The following PPM1E variants were observed in gnomAD, a reference collection of about 807,000 sequenced individuals.
PPM1E encodes the protein protein phosphatase, Mg2+/Mn2+ dependent 1E.
In PPM1E, 20 loss-of-function variants were observed where a neutral mutation model predicts 65.9. The observed-to-expected ratio is 0.30, with a 90% CI of 0.21 to 0.44. The LOEUF is 0.44. Among genes scored for constraint, PPM1E ranks in the 20% least tolerant of loss-of-function variants. The pLI, the probability that PPM1E is intolerant of heterozygous loss-of-function variation, is 1.00. For missense variants in PPM1E, 713 were observed against 953.1 expected, an observed-to-expected ratio of 0.75 and a Z score of 3.32; for synonymous variants, 352 against 374.9, an observed-to-expected ratio of 0.94 and a Z score of 0.70.
At chr17:58,798,264 T>C (rs1319714059) in intron 1 of PPM1E, among the ~76,000 whole-genome samples, 3 of 151,088 alleles carry the variant, frequency 2.0e-5, no homozygotes. Flanking sequence ...AGTCTCGTTC[T>C]GTTGCCCAGG....
intron 1 of PPM1E, among the ~76,000 whole-genome samples, chr17:58,918,767 C>T (rs1291893394): frequency 8.0e-6 from 1 of 125,386 alleles, no homozygotes; most frequent in Non-Finnish European, 1.6e-5. Flanking sequence ...GATCACACCA[C>T]TGCACTCCAG....
At chr17:58,808,567 G>A (rs1473219100) in intron 1 of PPM1E, among the ~76,000 whole-genome samples, 2 of 151,936 alleles carry the variant, frequency 1.3e-5, no homozygotes, top group Admixed American at 6.6e-5. Context: ...AGGGAGGGAG[G>A]AAAGGGGGAG....
chr17:58,796,375 A>G (rs900826614), intron 1 of PPM1E, among the ~76,000 whole-genome samples: 1 of 151,924 alleles, frequency 6.6e-6, no homozygotes, highest in African/African-American at 2.4e-5. Context: ...TTATTTATTT[A>G]TTTAGAGACA....
intron 1 of PPM1E, among the ~76,000 whole-genome samples, chr17:58,810,024 T>G (rs1048537843): frequency 3.5e-5 from 5 of 141,368 alleles, no homozygotes; most frequent in Non-Finnish European, 4.9e-5. Context: ...TAGTAAGATA[T>G]TTTACAGTCT....
chr17:58,901,703 G>A (rs1051616694), intron 1 of PPM1E, among the ~76,000 whole-genome samples: 7 of 151,348 alleles, frequency 4.6e-5, no homozygotes, highest in African/African-American at 7.3e-5. Context: ...AAGGCCAGAC[G>A]CGGTGGCTCA....
rs768120888 is a variant in PPM1E, at chr17:58,865,132, G to C, written c.465-90517G>C. Reference sequence around the variant, plus strand: ...GGGCCAGGTGCCGTGGCTCACGCCTGTAATCCCAGCACTTTGGGAGGCCGA... The same window carrying C: ...GGGCCAGGTGCCGTGGCTCACGCCTCTAATCCCAGCACTTTGGGAGGCCGA... On this transcript the variant is annotated intron_variant, in intron 1 of 6. Coordinates refer to ENST00000308249, the MANE Select transcript of PPM1E (RefSeq NM_014906.5). 1.1e-4 allele frequency among the ~76,000 whole-genome samples: 17 copies of C among 152,196 alleles called. 1 individual carries two copies. The highest frequency in any genetic ancestry group is 2.6e-4 in the Admixed American group (4 of 15,280).
intron 1 of PPM1E, among the ~76,000 whole-genome samples, chr17:58,816,668 T>C (rs2050417718): frequency 6.7e-6 from 1 of 148,448 alleles, no homozygotes; most frequent in Admixed American, 6.8e-5. Flanking sequence ...TATTTGTCCT[T>C]GTGTGCCTGT....
At chr17:58,976,860 T>A (rs2031029771) in intron 6 of PPM1E, among the ~76,000 whole-genome samples, 1 of 152,136 alleles carries the variant, frequency 6.6e-6, no homozygotes, top group Admixed American at 6.6e-5. Flanking sequence ...ACAGTGTGAC[T>A]CAGATCACAT....
At chr17:58,950,777 CTT>C (rs1036026350) in intron 1 of PPM1E, among the ~76,000 whole-genome samples, 3 of 119,904 alleles carry the variant, frequency 2.5e-5, no homozygotes, top group Non-Finnish European at 5.3e-5. Flanking sequence ...CTGTTTGGTT[CTT>C]TTTTTTTTTT....
At chr17:58,854,738 TC>T (rs1276389356) in intron 1 of PPM1E, among the ~76,000 whole-genome samples, 1 of 152,170 alleles carries the variant, frequency 6.6e-6, no homozygotes, top group Non-Finnish European at 1.5e-5. Flanking sequence ...TCCTTACAGT[TC>T]CGGAATAAAT....
intron 1 of PPM1E, among the ~76,000 whole-genome samples, chr17:58,942,679 G>C (rs2052089224): frequency 6.6e-6 from 1 of 152,084 alleles, no homozygotes; most frequent in Admixed American, 6.6e-5. Flanking sequence ...TTTAAGATTT[G>C]TGGGGGTAGG....
intron 1 of PPM1E, among the ~76,000 whole-genome samples, chr17:58,871,178 A>T (rs147077656): frequency 6.7e-4 from 102 of 152,222 alleles, no homozygotes; most frequent in Non-Finnish European, 1.0e-3. Context: ...CTGGGACTAC[A>T]GGTGCACACC....
chr17:58,787,932 A>G (rs1394069738), intron 1 of PPM1E, among the ~76,000 whole-genome samples: 2 of 151,624 alleles, frequency 1.3e-5, no homozygotes, highest in African/African-American at 4.8e-5. Context: ...GAAAAGAAAG[A>G]AAAAAATGGT....
rs545197775 is a variant in PPM1E, at chr17:58,795,663, C to T, written c.464+39202C>T. On this transcript the variant is annotated intron_variant, in intron 1 of 6. Transcript: ENST00000308249. ...AGGTTGCAGTGAACTATGTTTGTGC[C>T]ACTGCACTGTAGCTTGGGAGACAGA... 2.6e-5 allele frequency among the ~76,000 whole-genome samples: 4 copies of T among 152,278 alleles called. No homozygotes were observed. In the East Asian group the frequency reaches 5.8e-4, roughly 22 times the overall value.
chr17:58,898,554 G>A (rs2051454297), intron 1 of PPM1E, among the ~76,000 whole-genome samples: 1 of 152,192 alleles, frequency 6.6e-6, no homozygotes, highest in Non-Finnish European at 1.5e-5. Flanking sequence ...CTTTTACACT[G>A]TTGGTGGGAG....
chr17:58,855,255 T>C (rs956967936), intron 1 of PPM1E, among the ~76,000 whole-genome samples: 1 of 152,154 alleles, frequency 6.6e-6, no homozygotes, highest in African/African-American at 2.4e-5. Flanking sequence ...CTAAATAGGA[T>C]CTAACCTGCT....
At chr17:58,871,498 CT>C (rs1225878017) in intron 1 of PPM1E, among the ~76,000 whole-genome samples, 1 of 152,016 alleles carries the variant, frequency 6.6e-6, no homozygotes, top group Non-Finnish European at 1.5e-5. Context: ...CATAAAGAGC[CT>C]TTTGTAGTTT....
intron 1 of PPM1E, among the ~76,000 whole-genome samples, chr17:58,923,015 A>G (rs1208567130): frequency 1.3e-5 from 2 of 152,198 alleles, no homozygotes; most frequent in African/African-American, 2.4e-5. Flanking sequence ...GCCAGGTGTG[A>G]TAGCTTATGC....
In PPM1E at chr17:58,904,880, G is replaced by A. The variant is rs375042419; in HGVS notation, c.465-50769G>A. Among the ~76,000 whole-genome samples the A allele has an allele frequency of 4.3e-4, 65 of 150,096 alleles. No individual in the cohort carries two copies. The East Asian group carries it at 5.6e-3, about 13-fold the overall frequency. On this transcript the variant is annotated intron_variant, in intron 1 of 6. Transcript: ENST00000308249. ...ACAAAAAAAAAAAAAAAAATCAGCC[G>A]GATGTGGTGGTGTATGCCTGTAATC...
Sources: allele counts gnomAD v4.1 joint callset (sites outside exome capture counted in the v4.1 genomes callset), GRCh38; gene constraint gnomAD v4.1.1; transcripts MANE v1.5; gene names NCBI Gene and HGNC (gene_info 2026-07-23, HGNC 2026-07-21).